EPHA1: variants seen among roughly 807,000 people sequenced by gnomAD.
The protein encoded by EPHA1 is EPH receptor A1.
EPHA1 carries 92 observed loss-of-function variants against 110.1 expected under a neutral mutation model. The ratio of observed to expected loss-of-function variants is 0.84; its 90% CI spans 0.71 to 0.99. EPHA1 has a LOEUF of 0.99. EPHA1 is among the 50% of genes least tolerant of loss of function. The pLI, the probability that EPHA1 is intolerant of heterozygous loss-of-function variation, is 0.00. For missense variants in EPHA1, 1,204 were observed against 1,285.4 expected (o/e 0.94, Z 0.97); for synonymous variants, 500 against 516.1 (o/e 0.97, Z 0.42).
chr7:143,400,623 A>T (rs1175616401), intron 3 of EPHA1, among the ~76,000 whole-genome samples: 1 of 152,238 alleles, frequency 6.6e-6, no homozygotes, highest in African/African-American at 2.4e-5. Context: ...ACATGACTCC[A>T]GTGATACTAT....
intron 1 of EPHA1, among the ~76,000 whole-genome samples, chr7:143,408,203 T>TG (rs1027458256): frequency 4.6e-5 from 7 of 151,888 alleles, no homozygotes; most frequent in East Asian, 3.9e-4. Context: ...GCCTGGGAAG[T>TG]GGGGGGGAGT....
At position 143,406,880 on chromosome 7, in the gene EPHA1, T is replaced by C. The variant is rs571604798; in HGVS notation, c.150+731A>G. ...GCTGCTCTCTGCATTTGAGTCTGAA[T>C]ATGCTCTCTCAGACCCACCTCACAA... is the stretch of plus-strand genomic sequence containing the variant. On this transcript the variant is annotated intron_variant, in intron 2 of 17. Coordinates refer to ENST00000275815, the MANE Select transcript of EPHA1 (RefSeq NM_005232.5). Among the ~76,000 whole-genome samples the C allele has an allele frequency of 2.6e-4, 40 of 152,346 alleles. 1 individual carries two copies. The East Asian group carries it at 7.0e-3, about 26-fold the overall frequency.
At chr7:143,392,686 G>A (rs1164840024) in intron 16 of EPHA1, among the ~76,000 whole-genome samples, 2 of 152,200 alleles carry the variant, frequency 1.3e-5, no homozygotes, top group Non-Finnish European at 1.5e-5. Context: ...GCCCACGCCT[G>A]TAATCCCAGC....
In EPHA1 at chr7:143,394,300, G is replaced by A; in HGVS notation, c.2396C>T (p.Ala799Val). 6.2e-7 allele frequency: 1 copy of A among 1,614,158 alleles called. No homozygotes were observed. The highest frequency in any genetic ancestry group is 1.3e-5 in the African/African-American group (1 of 75,036). ...GCTGGCTGTGGTGAAGATCCGATGG[G>A]CAATGGCTTCAGGGGCTGTCCAACG... is the stretch of plus-strand genomic sequence containing the variant. ...PIRWTAPEAI[A>V]HRIFTTASDV... Residue 799 changes from alanine to valine, a missense_variant, in exon 15 of 18, where the codon GCC becomes GTC. Transcript: ENST00000275815.
chr7:143,405,876 G>A (rs1047487581), intron 2 of EPHA1, among the ~76,000 whole-genome samples: 3 of 148,164 alleles, frequency 2.0e-5, no homozygotes, highest in African/African-American at 8.0e-5. Context: ...CCAGAAACAG[G>A]GGCTGGATTG....
intron 9 of EPHA1, 54 bp from the exon 10 acceptor site, chr7:143,397,416 C>T (rs1281785594): frequency 1.0e-5 from 16 of 1,552,230 alleles, no homozygotes; most frequent in East Asian, 7.3e-5. Context: ...CTCAGGGGTC[C>T]GAGGGACTCT....
rs760220358 is a variant in EPHA1, at chr7:143,397,922, G to C, written c.1613C>G (p.Pro538Arg). The change falls in exon 8 of 18, where the codon CCA becomes CGA. Residue 538 changes from proline (P) to arginine (R), a missense_variant and splice_region_variant. Pro to Arg is a moderately radical substitution (Grantham distance 103). Coordinates refer to ENST00000275815, the MANE Select transcript of EPHA1 (RefSeq NM_005232.5). The part of the protein sequence containing the change: ...SPDHEFRTSP[P>R]VSRGLTGGEI... ...GGGCAGAGCACAAGATACCCCACCT[G>C]GTGGGCTGGTCCGAAACTCATGATC... The C allele has an allele frequency of 1.3e-5, 21 of 1,613,964 alleles. 1 individual carries two copies. In the South Asian group the frequency reaches 1.9e-4, roughly 14 times the overall value.
At position 143,399,173 on chromosome 7, in the gene EPHA1, C is replaced by A. The variant is rs1420293175; in HGVS notation, c.991+85G>T. On this transcript the variant is annotated intron_variant, in intron 5 of 17. Coordinates refer to ENST00000275815, the MANE Select transcript of EPHA1 (RefSeq NM_005232.5). ...TGGACCATCTCCAATATCTGACAAG[C>A]TCTGGAAAAATCCAACCCTGACAAA... is the stretch of plus-strand genomic sequence containing the variant. The A allele has an allele frequency of 2.6e-6, 4 of 1,526,276 alleles. No individual in the cohort carries two copies. The East Asian group carries it at 9.0e-5, about 34-fold the overall frequency. The allele number at this position is 1,526,276 out of a possible 1,614,324, so 94.5% of individuals were successfully genotyped here. A position where few individuals can be genotyped will look rare whatever the true frequency, so the allele number is the denominator to read the frequency against.
intron 4 of EPHA1, 48 bp downstream of exon 4, chr7:143,399,603 G>A (rs745435555): frequency 6.2e-7 from 1 of 1,606,842 alleles, no homozygotes; most frequent in African/African-American, 1.3e-5. Context: ...GGGTACTCCT[G>A]CAATCCTCCC....
At chr7:143,396,313 G>A in intron 11 of EPHA1, 72 bp downstream of exon 11, 2 of 1,553,110 alleles carry the variant, frequency 1.3e-6, no homozygotes, top group Admixed American at 1.9e-5. Context: ...GCGCTGGAAG[G>A]AAGGGGCCTG....
At position 143,396,466 on chromosome 7, in the gene EPHA1, C is replaced by T. The variant is rs754397131; in HGVS notation, c.1816G>A (p.Glu606Lys). The change falls in exon 11 of 18, where the codon GAG becomes AAG. Residue 606 changes from glutamate (E) to lysine (K), a missense_variant. By Grantham distance (56) the Glu-to-Lys change is moderately conservative. Coordinates refer to ENST00000275815, the MANE Select transcript of EPHA1 (RefSeq NM_005232.5). Reference sequence around the variant, plus strand: ...TCCAGGGCTCCCTGTGCAGGGTCCTCGTATGCCTGGAGGTCCACATAAGGC... The same window carrying T: ...TCCAGGGCTCCCTGTGCAGGGTCCTTGTATGCCTGGAGGTCCACATAAGGC... ...LKPYVDLQAY[E>K]DPAQGALDFT... 164 of 1,613,880 alleles carry T rather than the reference C, an allele frequency of 1.0e-4. No individual in the cohort carries two copies. Among genetic ancestry groups the T allele is most frequent in the Non-Finnish European group, 1.3e-4 (155 of 1,179,968 alleles).
intron 2 of EPHA1, among the ~76,000 whole-genome samples, chr7:143,406,843 T>G (rs1375900506): frequency 6.6e-6 from 1 of 152,214 alleles, no homozygotes; most frequent in Non-Finnish European, 1.5e-5. Flanking sequence ...TGGTTTTTTG[T>G]ACATCATAAG....
Position 143,397,959 on chromosome 7 carries a change from G to A in EPHA1, c.1576C>T (p.Pro526Ser), listed in dbSNP as rs1805306617. 1.2e-6 allele frequency: 2 copies of A among 1,614,134 alleles called. No individual in the cohort carries two copies. Among genetic ancestry groups the A allele is most frequent in the South Asian group, 1.1e-5 (1 of 91,084 alleles). The change falls in exon 8 of 18, where the codon CCT (proline) becomes TCT (serine). Residue 526 changes from proline to serine, a missense_variant. Pro to Ser is a moderately conservative substitution (Grantham distance 74, BLOSUM62 -1). Coordinates refer to ENST00000275815, the MANE Select transcript of EPHA1 (RefSeq NM_005232.5). ...CGAAACTCATGATCAGGGGAGAAAGGGCCAGGACCCAGTGGGGTCAGCATT... is the reference window on the plus strand; with the variant it reads ...CGAAACTCATGATCAGGGGAGAAAGAGCCAGGACCCAGTGGGGTCAGCATT... ...VRMLTPLGPGPFSPDHEFRTS... is the reference protein window; with the variant it reads ...VRMLTPLGPGSFSPDHEFRTS...
Position 143,398,940 on chromosome 7 carries a change from G to A in EPHA1, c.997C>T (p.Pro333Ser), listed in dbSNP as rs1008147879. 3.8e-6 allele frequency: 6 copies of A among 1,597,314 alleles called. No homozygotes were observed. Among genetic ancestry groups the A allele is most frequent in the Non-Finnish European group, 5.1e-6 (6 of 1,171,430 alleles). Residue 333 changes from proline (P) to serine (S), a missense_variant, in exon 6 of 18, where the codon CCC (proline) becomes TCC (serine). Pro to Ser is a moderately conservative substitution (Grantham distance 74). Coordinates refer to ENST00000275815, the MANE Select transcript of EPHA1 (RefSeq NM_005232.5). ...AAGCTCAGGTTTCGGGGGGCCGAGG[G>A]GGGACCTGTGGGAGAAGAGGAGCCA... ...EGPQVACTGP[P>S]SAPRNLSFSA...
chr7:143,404,424 A>G (rs1805491664), intron 2 of EPHA1, among the ~76,000 whole-genome samples: 1 of 152,028 alleles, frequency 6.6e-6, no homozygotes, highest in Non-Finnish European at 1.5e-5. Flanking sequence ...TCACTGTGTT[A>G]GCCAGGATGG....
intron 5 of EPHA1, 123 bp downstream of exon 5, chr7:143,399,134 AG>A: frequency 7.4e-7 from 1 of 1,351,876 alleles, no homozygotes; most frequent in East Asian, 2.3e-5. Flanking sequence ...AGGGGCTAAA[AG>A]TGCCTGACAC....
At chr7:143,394,627 C>T (rs553162636) in intron 14 of EPHA1, among the ~76,000 whole-genome samples, 181 bp downstream of exon 14, 4 of 151,982 alleles carry the variant, frequency 2.6e-5, no homozygotes, top group South Asian at 2.1e-4. Context: ...TCACCATGTT[C>T]GCCAGGCTGG....
In EPHA1 at chr7:143,399,350, TGCTG is replaced by T; in HGVS notation, c.895_898del (p.Gln299ArgfsTer40). ...GGCCCCCTCAGACTCAGCAGTGCTC[TGCTG>T]GGGGCACGTGAGACAATGGGGTGTG... On this transcript the variant is annotated frameshift_variant, in exon 5 of 18. Transcript: ENST00000275815. LOFTEE classifies it high-confidence loss of function. 6.2e-7 allele frequency: 1 copy of T among 1,612,184 alleles called. No individual in the cohort carries two copies. Among genetic ancestry groups the T allele is most frequent in the African/African-American group, 1.3e-5 (1 of 75,006 alleles).
chr7:143,391,923 GC>G (rs879559512), intron 16 of EPHA1, 148 bp from the exon 17 acceptor site: 135 of 1,447,280 alleles, frequency 9.3e-5, no homozygotes, highest in Non-Finnish European at 1.2e-4. Flanking sequence ...TTATCTCTGA[GC>G]CCACTTCCTG....
Sources: allele counts gnomAD v4.1 joint callset (sites outside exome capture counted in the v4.1 genomes callset), GRCh38; gene constraint gnomAD v4.1.1; transcripts MANE v1.5; gene names NCBI Gene and HGNC (gene_info 2026-07-23, HGNC 2026-07-21).